The following RAB10 variants were observed in gnomAD, a reference collection of about 807,000 sequenced individuals.
RAB10 encodes the protein RAB10, member RAS oncogene family.
Under a neutral mutation model 25.7 loss-of-function variants are expected in RAB10, and 5 were observed. The ratio of observed to expected loss-of-function variants is 0.19; its 90% CI spans 0.10 to 0.41. The LOEUF is 0.41. Among genes scored for constraint, RAB10 ranks in the 10% least tolerant of loss-of-function variants. RAB10 has a pLI of 1.00. For missense variants in RAB10, 103 were observed against 245.8 expected, an observed-to-expected ratio of 0.42 and a Z score of 3.89; for synonymous variants, 89 against 86.4, an observed-to-expected ratio of 1.03 and a Z score of -0.16.
At chr2:26,095,103 G>A (rs754856519) in intron 1 of RAB10, among the ~76,000 whole-genome samples, 3 of 152,022 alleles carry the variant, frequency 2.0e-5, no homozygotes, top group Non-Finnish European at 4.4e-5. Flanking sequence ...TTATGTATTC[G>A]GATTGTCAAA....
intron 1 of RAB10, among the ~76,000 whole-genome samples, chr2:26,074,632 T>A (rs537188359): frequency 6.6e-6 from 1 of 151,296 alleles, no homozygotes; most frequent in East Asian, 1.9e-4. Flanking sequence ...TTAGCCAGGC[T>A]AGTCTCAAAC....
chr2:26,113,675 C>A (rs780103091), intron 3 of RAB10, among the ~76,000 whole-genome samples: 8 of 148,886 alleles, frequency 5.4e-5, no homozygotes, highest in Non-Finnish European at 1.2e-4. Context: ...CCCCTAAGAT[C>A]AAGAGCATGG....
rs559954877 is a variant in RAB10, at chr2:26,066,253, C to T, written c.127+31518C>T. ...ATGAACAATTACCGATTTTTTTTTCCAGTGGACAAGAAAACTTGGAATTGA... is the reference window on the plus strand; with the variant it reads ...ATGAACAATTACCGATTTTTTTTTCTAGTGGACAAGAAAACTTGGAATTGA... On this transcript the variant is annotated intron_variant, in intron 1 of 5. Coordinates refer to ENST00000264710, the MANE Select transcript of RAB10 (RefSeq NM_016131.5). 4.3e-4 allele frequency among the ~76,000 whole-genome samples: 65 copies of T among 150,914 alleles called. 2 individuals are homozygous for T. In the South Asian group the frequency reaches 0.013, roughly 30 times the overall value.
intron 1 of RAB10, among the ~76,000 whole-genome samples, chr2:26,097,954 T>A (rs926138765): frequency 6.6e-6 from 1 of 152,194 alleles, no homozygotes; most frequent in African/African-American, 2.4e-5. Flanking sequence ...TTGGTAGTTT[T>A]CCTTTGTTCT....
At position 26,047,723 on chromosome 2, in the gene RAB10, G is replaced by GTTTTTTTT. The variant is rs34517359; in HGVS notation, c.127+12999_127+13006dup. ...AGGTGTGAGCCACCATGCCTGGCCTGTTTTTTTTTTTTTTTTTTGAGACAG... is the reference window on the plus strand; with the variant it reads ...AGGTGTGAGCCACCATGCCTGGCCTGTTTTTTTTTTTTTTTTTTTTTTTTTTGAGACAG... On this transcript the variant is annotated intron_variant, in intron 1 of 5. Coordinates refer to ENST00000264710, the MANE Select transcript of RAB10 (RefSeq NM_016131.5). Among the ~76,000 whole-genome samples, 5 of 107,870 alleles carry GTTTTTTTT rather than the reference G, an allele frequency of 4.6e-5. 1 individual carries two copies. Among genetic ancestry groups the GTTTTTTTT allele is most frequent in the Non-Finnish European group, 7.0e-5 (4 of 57,336 alleles). 70.8% of individuals were successfully genotyped at this position (107,870 alleles called of 152,430 possible).
chr2:26,098,562 C>A, intron 1 of RAB10, 100 bp from the exon 2 acceptor site: 1 of 843,598 alleles, frequency 1.2e-6, no homozygotes, highest in Non-Finnish European at 1.9e-6. Context: ...CAAACAAACA[C>A]AGACAAGTTT....
In RAB10 at chr2:26,060,327, C is replaced by T. The variant is rs565724652; in HGVS notation, c.127+25592C>T. Among the ~76,000 whole-genome samples, 3 of 152,218 alleles carry T rather than the reference C, an allele frequency of 2.0e-5. No homozygotes were observed. In the East Asian group the frequency reaches 5.8e-4, roughly 29 times the overall value. ...TTGTTTTTTCAGACGGAGTCTCGCT[C>T]TGTTGCCCAGGCTGGAGTGCAGTGG... On this transcript the variant is annotated intron_variant, in intron 1 of 5. Transcript: ENST00000264710.
chr2:26,122,258 T>G (rs1667819622), intron 3 of RAB10, among the ~76,000 whole-genome samples: 1 of 152,224 alleles, frequency 6.6e-6, no homozygotes, highest in African/African-American at 2.4e-5. Flanking sequence ...TGTGAAACCT[T>G]GCACTTTTTA....
intron 1 of RAB10, among the ~76,000 whole-genome samples, chr2:26,071,860 C>CA (rs1246210290): frequency 7.2e-5 from 11 of 152,086 alleles, no homozygotes; most frequent in Admixed American, 1.3e-4. Context: ...GAGCAAGACT[C>CA]AGTCTCTTAA....
At chr2:26,121,450 C>T (rs981291095) in intron 3 of RAB10, among the ~76,000 whole-genome samples, 47 of 152,154 alleles carry the variant, frequency 3.1e-4, no homozygotes, top group African/African-American at 1.1e-3. Context: ...TCCCAAGAAG[C>T]TGGGATTACA....
At chr2:26,125,292 A>C (rs1667883276) in intron 3 of RAB10, among the ~76,000 whole-genome samples, 1 of 152,062 alleles carries the variant, frequency 6.6e-6, no homozygotes, top group African/African-American at 2.4e-5. Context: ...TAGTAGCCAT[A>C]CTAATGGGTA....
intron 2 of RAB10, among the ~76,000 whole-genome samples, chr2:26,109,156 C>T (rs1471505651): frequency 2.6e-5 from 4 of 151,972 alleles, no homozygotes; most frequent in Admixed American, 6.6e-5. Flanking sequence ...GTGATCTACA[C>T]GCCTCAGCCT....
At chr2:26,083,584 C>T (rs1337233915) in intron 1 of RAB10, among the ~76,000 whole-genome samples, 2 of 152,218 alleles carry the variant, frequency 1.3e-5, no homozygotes, top group South Asian at 2.1e-4. Flanking sequence ...ATGCCACAGC[C>T]TCTGCAGTAG....
intron 2 of RAB10, 116 bp downstream of exon 2, chr2:26,098,838 C>A: frequency 1.2e-6 from 1 of 817,472 alleles, no homozygotes; most frequent in South Asian, 1.8e-5. Context: ...TTAAAGCAGG[C>A]AGTCAGGTGA....
chr2:26,105,180 A>G (rs891275230), intron 2 of RAB10, among the ~76,000 whole-genome samples: 2 of 152,212 alleles, frequency 1.3e-5, no homozygotes, highest in Admixed American at 6.5e-5. Context: ...TAAGCAGAAT[A>G]ATATGATCAA....
At chr2:26,117,341 G>A (rs1178949070) in intron 3 of RAB10, among the ~76,000 whole-genome samples, 3 of 151,642 alleles carry the variant, frequency 2.0e-5, no homozygotes, top group East Asian at 1.9e-4. Flanking sequence ...GTCCGGGTGC[G>A]GGGGGCTCAT....
chr2:26,042,874 A>C (rs1194720052), intron 1 of RAB10: 1 of 152,146 alleles, frequency 6.6e-6, no homozygotes, highest in African/African-American at 2.4e-5. Context: ...CATCACTAAT[A>C]ATTAGGGAAA....
intron 1 of RAB10, among the ~76,000 whole-genome samples, chr2:26,075,669 G>A (rs747846393): frequency 8.2e-4 from 125 of 152,256 alleles, no homozygotes; most frequent in Non-Finnish European, 1.3e-3. Flanking sequence ...TCATGACCAA[G>A]GGACAAGTTG....
At chr2:26,130,238 T>C (rs958378662) in intron 5 of RAB10, among the ~76,000 whole-genome samples, 3 of 152,238 alleles carry the variant, frequency 2.0e-5, no homozygotes, top group Admixed American at 6.5e-5. Context: ...TAAATCTATA[T>C]TATTTATTGT....
Sources: gnomAD v4.1 joint callset for allele counts (sites outside exome capture counted in the v4.1 genomes callset) on GRCh38, gnomAD v4.1.1 for gene constraint, MANE v1.5 for transcripts, NCBI Gene and HGNC (gene_info 2026-07-23, HGNC 2026-07-21) for gene names.